FBXO15: variants seen among roughly 807,000 people sequenced by gnomAD.
FBXO15 encodes F-box only protein 15.
FBXO15 carries 30 observed loss-of-function variants against 49.5 expected under a neutral mutation model. The ratio of observed to expected loss-of-function variants is 0.61; its 90% CI spans 0.45 to 0.82. FBXO15 has a LOEUF of 0.82. Among genes scored for constraint, FBXO15 ranks in the 40% least tolerant of loss-of-function variants. FBXO15 has a pLI of 0.00. For synonymous variants in FBXO15, 250 were observed against 232.7 expected, an observed-to-expected ratio of 1.07 and a Z score of -0.68; for missense variants, 591 against 631.5, an observed-to-expected ratio of 0.94 and a Z score of 0.69.
At chr18:74,093,268 G>GGGT (rs1913133246) in intron 8 of FBXO15, among the ~76,000 whole-genome samples, 1 of 142,272 alleles carries the variant, frequency 7.0e-6, no homozygotes, top group African/African-American at 2.5e-5. Context: ...AACAATGGGG[G>GGGT]GGGGGTGGCT....
intron 8 of FBXO15, among the ~76,000 whole-genome samples, chr18:74,122,368 A>G (rs1377274473): frequency 6.6e-6 from 1 of 152,234 alleles, no homozygotes; most frequent in African/African-American, 2.4e-5. Context: ...CAATTTCTTC[A>G]TCTGAAAATT....
intron 2 of FBXO15, among the ~76,000 whole-genome samples, chr18:74,139,322 G>A (rs1568182787): frequency 6.6e-6 from 1 of 152,210 alleles, no homozygotes; most frequent in Non-Finnish European, 1.5e-5. Flanking sequence ...AACAGTATCT[G>A]CTACAGAGTA....
At chr18:74,130,156 T>C (rs903267262) in intron 4 of FBXO15, among the ~76,000 whole-genome samples, 3 of 152,248 alleles carry the variant, frequency 2.0e-5, no homozygotes, top group African/African-American at 7.2e-5. Flanking sequence ...TTATGTATAA[T>C]GTACTGGTTT....
intron 8 of FBXO15, 65 bp from the exon 9 acceptor site, chr18:74,082,116 C>T: frequency 6.4e-7 from 1 of 1,562,658 alleles, no homozygotes; most frequent in East Asian, 2.3e-5. Flanking sequence ...CAAGCACGTT[C>T]AGTCGGCGAC....
chr18:74,102,248 A>C (rs1913555698), intron 8 of FBXO15, among the ~76,000 whole-genome samples: 1 of 152,158 alleles, frequency 6.6e-6, no homozygotes, highest in African/African-American at 2.4e-5. Context: ...ACAAAAATTC[A>C]AACAAATTAG....
intron 8 of FBXO15, among the ~76,000 whole-genome samples, chr18:74,085,884 A>T (rs1047672161): frequency 6.6e-6 from 1 of 152,206 alleles, no homozygotes; most frequent in East Asian, 1.9e-4. Context: ...TGGGATAGAA[A>T]AAGTTTTAAA....
chr18:74,083,990 G>A (rs1234294465), intron 8 of FBXO15, among the ~76,000 whole-genome samples: 1 of 152,184 alleles, frequency 6.6e-6, no homozygotes, highest in African/African-American at 2.4e-5. Context: ...GATGCAGAGA[G>A]GTTAACAGTA....
chr18:74,077,169 C>T (rs1299274571), intron 9 of FBXO15, among the ~76,000 whole-genome samples: 1 of 152,170 alleles, frequency 6.6e-6, no homozygotes, highest in East Asian at 1.9e-4. Context: ...TGCCCCTGGC[C>T]ACCTGCATAT....
chr18:74,143,843 C>T (rs982067396), intron 1 of FBXO15, among the ~76,000 whole-genome samples: 1 of 152,194 alleles, frequency 6.6e-6, no homozygotes, highest in African/African-American at 2.4e-5. Flanking sequence ...GCAATCCAGT[C>T]CCCTCTGCCA....
intron 8 of FBXO15, among the ~76,000 whole-genome samples, chr18:74,111,760 T>C (rs1316467226): frequency 1.3e-5 from 2 of 152,098 alleles, no homozygotes; most frequent in East Asian, 1.9e-4. Context: ...GCTGGTTTTT[T>C]TGGAAATAAC....
intron 1 of FBXO15, among the ~76,000 whole-genome samples, chr18:74,142,769 T>A (rs539127459): frequency 6.6e-6 from 1 of 152,264 alleles, no homozygotes; most frequent in South Asian, 2.1e-4. Context: ...GAAAGTCACA[T>A]CCTGGTGTTC....
intron 3 of FBXO15, among the ~76,000 whole-genome samples, chr18:74,131,630 C>G (rs142291248): frequency 0.019 from 2,888 of 152,296 alleles, 42 homozygotes; most frequent in Non-Finnish European, 0.031. Flanking sequence ...GAGAGCTCCT[C>G]CCTCTCAGCC....
chr18:74,119,463 A>G (rs1568172256), intron 8 of FBXO15, among the ~76,000 whole-genome samples: 1 of 152,174 alleles, frequency 6.6e-6, no homozygotes, highest in Non-Finnish European at 1.5e-5. Context: ...CTACCTAAAT[A>G]AGTAAACTCA....
intron 8 of FBXO15, among the ~76,000 whole-genome samples, chr18:74,095,792 C>T (rs901175298): frequency 6.6e-6 from 1 of 152,196 alleles, no homozygotes; most frequent in Non-Finnish European, 1.5e-5. Flanking sequence ...GTAAAAACTA[C>T]AATATCTTAG....
At chr18:74,122,420 TAGA>T (rs1770019358) in intron 8 of FBXO15, among the ~76,000 whole-genome samples, 1 of 152,244 alleles carries the variant, frequency 6.6e-6, no homozygotes, top group African/African-American at 2.4e-5. Context: ...TCTGCCTTTA[TAGA>T]AGTTCACCCA....
chr18:74,132,731 C>T (rs1007390513), intron 3 of FBXO15, among the ~76,000 whole-genome samples: 2 of 152,228 alleles, frequency 1.3e-5, no homozygotes, highest in African/African-American at 4.8e-5. Context: ...TCCAACAGAA[C>T]TACCAACAGG....
chr18:74,138,559 C>A (rs1978866861), intron 2 of FBXO15, among the ~76,000 whole-genome samples: 1 of 152,018 alleles, frequency 6.6e-6, no homozygotes, highest in Non-Finnish European at 1.5e-5. Flanking sequence ...GCCTTCCCTT[C>A]CCCACCCTTT....
intron 1 of FBXO15, among the ~76,000 whole-genome samples, chr18:74,143,356 A>G (rs1412594276): frequency 1.3e-5 from 2 of 152,200 alleles, no homozygotes; most frequent in Non-Finnish European, 2.9e-5. Flanking sequence ...TAATCTAGCA[A>G]TTGGCAAATA....
intron 8 of FBXO15, among the ~76,000 whole-genome samples, chr18:74,114,176 T>C (rs1914136673): frequency 6.6e-6 from 1 of 152,226 alleles, no homozygotes; most frequent in South Asian, 2.1e-4. Context: ...AGAGACTGCC[T>C]ATGTGACAAG....
Sources: allele counts gnomAD v4.1 joint callset (sites outside exome capture counted in the v4.1 genomes callset), GRCh38; gene constraint gnomAD v4.1.1; transcripts MANE v1.5; gene names NCBI Gene and HGNC (gene_info 2026-07-23, HGNC 2026-07-21).